The following ADRA1A variants were observed in gnomAD, a reference collection of about 807,000 sequenced individuals.
The protein encoded by ADRA1A is alpha-1A adrenergic receptor.
A neutral mutation model predicts 29.6 loss-of-function variants in ADRA1A; 31 were observed. The observed-to-expected ratio is 1.05, with a 90% CI of 0.79 to 1.41. The LOEUF is 1.41. Among genes scored for constraint, ADRA1A ranks in the 40% most tolerant of loss-of-function variants. The probability of loss-of-function intolerance (pLI) is 0.00; values close to 1 mark genes in which losing one functional copy is unlikely to be tolerated. For synonymous variants in ADRA1A, 311 were observed against 254.3 expected (o/e 1.22, Z -2.12); for missense variants, 619 against 601.1 (o/e 1.03, Z -0.31).
At chr8:26,838,226 T>C (rs1033086709) in intron 2 of ADRA1A, among the ~76,000 whole-genome samples, 3 of 152,206 alleles carry the variant, frequency 2.0e-5, no homozygotes, top group African/African-American at 7.2e-5. Context: ...AATTGATGTA[T>C]TTTTCCTTTT....
chr8:26,862,811 G>C (rs1376165850), intron 2 of ADRA1A, among the ~76,000 whole-genome samples: 1 of 152,190 alleles, frequency 6.6e-6, no homozygotes, highest in Non-Finnish European at 1.5e-5. Context: ...TGGTCAGTGG[G>C]ACTGAGGAAT....
chr8:26,795,380 C>A (rs1483955627), intron 2 of ADRA1A, among the ~76,000 whole-genome samples: 2 of 151,998 alleles, frequency 1.3e-5, no homozygotes, highest in South Asian at 2.1e-4. Context: ...GGAAAATAAA[C>A]CTTTATTTAT....
intron 2 of ADRA1A, among the ~76,000 whole-genome samples, chr8:26,827,297 T>C (rs1474264678): frequency 6.6e-6 from 1 of 152,234 alleles, no homozygotes; most frequent in Non-Finnish European, 1.5e-5. Context: ...ATGTTGAGGT[T>C]GAATGGAAAT....
chr8:26,809,265 T>C (rs1049800122), intron 2 of ADRA1A, among the ~76,000 whole-genome samples: 2 of 152,240 alleles, frequency 1.3e-5, no homozygotes, highest in Admixed American at 6.5e-5. Context: ...TCTCTCTGCC[T>C]AGAATATTCT....
downstream of ADRA1A, chr8:26,766,172 G>A (rs778472185): frequency 4.0e-6 from 6 of 1,489,794 alleles, no homozygotes; most frequent in South Asian, 2.3e-5. Flanking sequence ...AAAAAAAGTT[G>A]GAATACAGGT....
rs564101938 is a variant in ADRA1A at position 26,828,218 on chromosome 8, T to A, written c.883+35869A>T. Among the ~76,000 whole-genome samples, 10 of 152,350 alleles carry A rather than the reference T, an allele frequency of 6.6e-5. No homozygotes were observed. The East Asian group carries it at 1.7e-3, about 26-fold the overall frequency. The stretch of plus-strand genomic sequence containing the variant: ...CTTTCTTATTTGTAAAATCAGATAA[T>A]AATACCACTTACTTCACAAGTATTA... On this transcript the variant is annotated intron_variant, in intron 2 of 2. Transcript: ENST00000380573.
chr8:26,761,326 T>C (rs1805491812), downstream of ADRA1A, among the ~76,000 whole-genome samples: 1 of 152,188 alleles, frequency 6.6e-6, no homozygotes, highest in Admixed American at 6.5e-5. Context: ...ACATTTTGTA[T>C]GGGCAGAAAT....
downstream of ADRA1A, among the ~76,000 whole-genome samples, chr8:26,761,524 T>C (rs1408405316): frequency 6.6e-6 from 1 of 151,928 alleles, no homozygotes; most frequent in Non-Finnish European, 1.5e-5. Flanking sequence ...GAAGAAGAAA[T>C]TGGGACAGAG....
chr8:26,765,875 A>T, downstream of ADRA1A: 1 of 1,411,882 alleles, frequency 7.1e-7, no homozygotes, highest in Non-Finnish European at 9.2e-7. Context: ...TTGCCTGCCC[A>T]AGCAAATAGT....
chr8:26,836,769 T>A (rs1811394994), intron 2 of ADRA1A, among the ~76,000 whole-genome samples: 1 of 152,146 alleles, frequency 6.6e-6, no homozygotes, highest in South Asian at 2.1e-4. Context: ...ATGTGAGAAA[T>A]TTTAAACAAA....
chr8:26,770,246 C>G lies in ADRA1A; in HGVS notation c.1304G>C (p.Cys435Ser), dbSNP rs758500506. 6.2e-7 allele frequency: 1 copy of G among 1,613,550 alleles called. No individual in the cohort carries two copies. Among genetic ancestry groups the G allele is most frequent in the African/African-American group, 1.3e-5 (1 of 75,054 alleles). ...AAGGCTGGGGGTTGAGGGCCCTACA[C>G]AGCAGCAGACCTGCAAAAAGCTTTT... ...RSKSFLQVCCCVGPSTPSLDK... is the reference protein window; with the variant it reads ...RSKSFLQVCCSVGPSTPSLDK... The change falls in exon 3 of 3, where the codon TGT (cysteine) becomes TCT (serine). Residue 435 changes from cysteine (C) to serine (S), a missense_variant. Coordinates refer to ENST00000380573, the MANE Select transcript of ADRA1A (RefSeq NM_000680.4).
chr8:26,768,787 C>T, downstream of ADRA1A: 1 of 598,056 alleles, frequency 1.7e-6, no homozygotes, highest in Non-Finnish European at 2.1e-6. Flanking sequence ...CCAGGCATTT[C>T]AGAAAAGAGA....
intron 2 of ADRA1A, among the ~76,000 whole-genome samples, chr8:26,750,206 T>G (rs1804861344): frequency 6.6e-6 from 1 of 152,088 alleles, no homozygotes; most frequent in South Asian, 2.1e-4. Context: ...GGGTCTCTTC[T>G]TTTTCTTTTT....
intron 2 of ADRA1A, among the ~76,000 whole-genome samples, chr8:26,850,256 G>A (rs944963382): frequency 6.6e-6 from 1 of 151,864 alleles, no homozygotes; most frequent in Non-Finnish European, 1.5e-5. Context: ...CATCTTAGTT[G>A]AAAAATAAAT....
chr8:26,794,895 G>A (rs1808089711), intron 2 of ADRA1A, among the ~76,000 whole-genome samples: 1 of 152,076 alleles, frequency 6.6e-6, no homozygotes, highest in African/African-American at 2.4e-5. Context: ...TCAATTTAAT[G>A]AGAGAAGAAA....
downstream of ADRA1A, among the ~76,000 whole-genome samples, chr8:26,762,458 C>T (rs1240827429): frequency 2.0e-5 from 3 of 152,102 alleles, no homozygotes; most frequent in African/African-American, 7.2e-5. The surrounding 1 kb of genome is among the most constrained non-coding windows in gnomAD (Gnocchi z 4.0). Context: ...CTGAGAGCAG[C>T]CCCATCTCAT....
At chr8:26,836,908 G>A (rs959839621) in intron 2 of ADRA1A, among the ~76,000 whole-genome samples, 1 of 152,162 alleles carries the variant, frequency 6.6e-6, no homozygotes, top group African/African-American at 2.4e-5. Flanking sequence ...GCCAGTGAAT[G>A]CAGTTCCAAA....
chr8:26,780,814 C>T (rs112392140), intron 2 of ADRA1A, among the ~76,000 whole-genome samples: 2 of 152,164 alleles, frequency 1.3e-5, no homozygotes, highest in African/African-American at 4.8e-5. Flanking sequence ...CCAACCCTAT[C>T]GTGAACTGCA....
intron 2 of ADRA1A, among the ~76,000 whole-genome samples, chr8:26,795,205 C>G (rs1808110734): frequency 6.6e-6 from 1 of 151,904 alleles, no homozygotes; most frequent in Non-Finnish European, 1.5e-5. Context: ...GTCAGGTGGC[C>G]ACAAGAGACT....
Sources: gnomAD v4.1 joint callset for allele counts (sites outside exome capture counted in the v4.1 genomes callset) on GRCh38, gnomAD v4.1.1 for gene constraint, Gnocchi (gnomAD v3.1) non-coding constraint, MANE v1.5 for transcripts, NCBI Gene and HGNC (gene_info 2026-07-23, HGNC 2026-07-21) for gene names.